ABCA4: variants seen among roughly 807,000 people sequenced by gnomAD.
The protein encoded by ABCA4 is ATP binding cassette subfamily A member 4.
ABCA4 carries 196 observed loss-of-function variants against 263.7 expected under a neutral mutation model. The ratio of observed to expected loss-of-function variants is 0.74; its 90% CI spans 0.66 to 0.84. The LOEUF (loss-of-function observed/expected upper bound fraction) is 0.84, where lower values mean the gene tolerates loss of function less well. ABCA4 is among the 40% of genes least tolerant of loss of function. The pLI, the probability that ABCA4 is intolerant of heterozygous loss-of-function variation, is 0.00. For synonymous variants in ABCA4, 1,133 were observed against 1,094.2 expected (o/e 1.04, Z -0.70); for missense variants, 2,792 against 2,855.1 (o/e 0.98, Z 0.50).
intron 29 of ABCA4, 27 bp downstream of exon 29, chr1:94,030,401 T>G (rs764315967): frequency 9.9e-6 from 16 of 1,610,040 alleles, no homozygotes; most frequent in Non-Finnish European, 1.4e-5. Context: ...GCTAGTCTTC[T>G]TAGGACAGGG....
At chr1:94,030,910 G>C in intron 28 of ABCA4, 86 bp downstream of exon 28, 1 of 1,571,818 alleles carries the variant, frequency 6.4e-7, no homozygotes, top group Non-Finnish European at 8.7e-7. Context: ...TCCCAGTGAA[G>C]TGGGAAGGTC....
chr1:94,000,528 G>A (rs1263249629), intron 47 of ABCA4, among the ~76,000 whole-genome samples: 1 of 152,192 alleles, frequency 6.6e-6, no homozygotes, highest in African/African-American at 2.4e-5. Context: ...TGAGATAAGT[G>A]GTGAAATATT....
intron 21 of ABCA4, 43 bp from the exon 22 acceptor site, chr1:94,042,941 G>C (rs1194745830): frequency 6.2e-7 from 1 of 1,613,764 alleles, no homozygotes; most frequent in Non-Finnish European, 8.5e-7. Flanking sequence ...GGCTGTGGAG[G>C]GTGAGGAAGA....
intron 11 of ABCA4, among the ~76,000 whole-genome samples, chr1:94,076,973 A>T (rs1371553634): frequency 6.6e-6 from 1 of 152,224 alleles, no homozygotes; most frequent in Non-Finnish European, 1.5e-5. Flanking sequence ...CTTAATGGTC[A>T]TGCGTGGGAT....
intron 35 of ABCA4, 99 bp from the exon 36 acceptor site, chr1:94,019,858 C>T: frequency 1.5e-6 from 2 of 1,335,928 alleles, no homozygotes. Flanking sequence ...CTTACACCCG[C>T]CCAGGTGTGG....
At chr1:94,104,893 A>T (rs61783991) in intron 4 of ABCA4, among the ~76,000 whole-genome samples, 1 of 151,924 alleles carries the variant, frequency 6.6e-6, no homozygotes, top group Non-Finnish European at 1.5e-5. Context: ...TCTTTTCCCA[A>T]TTACCCCTTC....
At chr1:94,111,908 A>T (rs1014505410) in intron 2 of ABCA4, among the ~76,000 whole-genome samples, 8 of 152,206 alleles carry the variant, frequency 5.3e-5, no homozygotes, top group Non-Finnish European at 7.3e-5. Context: ...GACTCCACGC[A>T]GTTGCTGCTG....
intron 30 of ABCA4, among the ~76,000 whole-genome samples, chr1:94,025,257 A>G (rs1389320623): frequency 6.6e-6 from 1 of 152,214 alleles, no homozygotes. Context: ...TTGACAAGAC[A>G]GAATGGCGTC....
At chr1:94,056,430 G>T (rs564733553) in intron 15 of ABCA4, among the ~76,000 whole-genome samples, 171 bp downstream of exon 15, 13 of 152,314 alleles carry the variant, frequency 8.5e-5, no homozygotes, top group Non-Finnish European at 1.5e-4. Flanking sequence ...ATCGCTCGGG[G>T]TGAGGACTGC....
intron 1 of ABCA4, among the ~76,000 whole-genome samples, chr1:94,115,973 A>G (rs3789443): frequency 0.21 from 31,317 of 152,096 alleles, 3,316 homozygotes; most frequent in Middle Eastern, 0.23. Flanking sequence ...GGAGGGGACC[A>G]GCCAGCTTGG....
chr1:94,010,669 G>T, intron 40 of ABCA4, 131 bp downstream of exon 40: 1 of 1,345,212 alleles, frequency 7.4e-7, no homozygotes, highest in Non-Finnish European at 1.0e-6. Context: ...TTGGAGAAAA[G>T]CCAGGCTTTG....
At position 94,078,599 on chromosome 1, in the gene ABCA4, G is replaced by A; in HGVS notation, c.1347C>T (p.Asn449=). The A allele has an allele frequency of 8.3e-7, 1 of 1,203,360 alleles. No individual in the cohort carries two copies. The highest frequency in any genetic ancestry group is 1.1e-6 in the Non-Finnish European group (1 of 882,290). The allele number at this position is 1,203,360 out of a possible 1,614,324, so 74.5% of individuals were successfully genotyped here. ...CTCCAACCCCCCTTACTCTGATCAT[G>A]TTCATCTGTGTGCTGTTGTCAAAGA... ...WYFFDNSTQM[N]MIRDTLGNPT... is the part of the protein sequence containing the mutation. Residue 449 remains asparagine (N), a synonymous_variant, in exon 10 of 50, where the codon AAC becomes AAT. Coordinates refer to ENST00000370225, the MANE Select transcript of ABCA4 (RefSeq NM_000350.3).
Position 94,111,566 on chromosome 1 carries a change from G to A in ABCA4, c.174C>T (p.Asn58=). 1.2e-6 allele frequency: 2 copies of A among 1,614,236 alleles called. No individual in the cohort carries two copies. The highest frequency in any genetic ancestry group is 1.7e-6 in the Non-Finnish European group (2 of 1,180,034). The change falls in exon 3 of 50, where the codon AAC becomes AAT. Residue 58 remains asparagine, a synonymous_variant. Transcript: ENST00000370225. ...GCATTCCTGCTGAGGGCATCGCCTT[G>A]TTGGGGAAATGGCCTTTAAAACAGA... The part of the protein sequence containing the change: ...LYSHHECHFP[N]KAMPSAGMLP...
chr1:94,054,632 G>C (rs534216842), intron 16 of ABCA4, among the ~76,000 whole-genome samples: 4 of 152,198 alleles, frequency 2.6e-5, no homozygotes, highest in Admixed American at 2.6e-4. Context: ...TAAGGAGGCC[G>C]ACGTGGCTGG....
chr1:94,116,572 G>A lies in ABCA4; in HGVS notation c.67-3506C>T, dbSNP rs545783877. On this transcript the variant is annotated intron_variant, in intron 1 of 49. Transcript: ENST00000370225. The stretch of plus-strand genomic sequence containing the variant: ...GTGTTTGTTTTTGGCGGGGGGCGGG[G>A]GCGGTTGCTGCATTTCACGCGTCAC... 6.6e-5 allele frequency among the ~76,000 whole-genome samples: 10 copies of A among 152,172 alleles called. No homozygotes were observed. The East Asian group carries it at 1.5e-3, about 23-fold the overall frequency.
Position 94,042,900 on chromosome 1 carries a change from T to C in ABCA4, c.3191-2A>G, listed in dbSNP as rs61752415. 6.2e-7 allele frequency: 1 copy of C among 1,614,186 alleles called. No individual in the cohort carries two copies. Among genetic ancestry groups the C allele is most frequent in the Non-Finnish European group, 8.5e-7 (1 of 1,180,038 alleles). ...CCGACAGCTTTCTCTGCATGCCACC[T>C]GGAGGCACAAGAAGGACGGGAGAGT... On this transcript the variant is annotated splice_acceptor_variant, in intron 21 of 49. Transcript: ENST00000370225. LOFTEE classifies it high-confidence loss of function.
At position 94,031,124 on chromosome 1, in the gene ABCA4, T is replaced by C; in HGVS notation, c.4129-4A>G. 1 of 1,613,964 alleles carries C rather than the reference T, an allele frequency of 6.2e-7. No individual in the cohort carries two copies. Among genetic ancestry groups the C allele is most frequent in the South Asian group, 1.1e-5 (1 of 91,000 alleles). ...CAAAGGTAGCCGGGAGCACGATCTG[T>C]GGGAGAATAGACGTGGAATAAACAT... is the stretch of plus-strand genomic sequence containing the variant. On this transcript the variant is annotated splice_region_variant and splice_polypyrimidine_tract_variant and intron_variant, in intron 27 of 49. Coordinates refer to ENST00000370225, the MANE Select transcript of ABCA4 (RefSeq NM_000350.3).
At chr1:94,000,510 G>T (rs4147868) in intron 47 of ABCA4, among the ~76,000 whole-genome samples, 20 of 152,212 alleles carry the variant, frequency 1.3e-4, no homozygotes, top group Non-Finnish European at 2.4e-4. Flanking sequence ...CACAGGTCCC[G>T]GATCTGTTGA....
chr1:94,035,079 C>T (rs1489470076), intron 26 of ABCA4, among the ~76,000 whole-genome samples: 1 of 152,204 alleles, frequency 6.6e-6, no homozygotes, highest in Non-Finnish European at 1.5e-5. Context: ...TACACTCTTA[C>T]CCACTCCCCT....
Sources: gnomAD v4.1 joint callset for allele counts (sites outside exome capture counted in the v4.1 genomes callset) on GRCh38, gnomAD v4.1.1 for gene constraint, MANE v1.5 for transcripts, NCBI Gene and HGNC (gene_info 2026-07-23, HGNC 2026-07-21) for gene names.